Variants in SLC25A31 observed in about 807,000 individuals in gnomAD.
SLC25A31 encodes solute carrier family 25 member 31, also known as ADP/ATP translocase 4.
In SLC25A31, 40 loss-of-function variants were observed where a neutral mutation model predicts 36.2. That is an observed-to-expected ratio of 1.10 (90% CI 0.86 to 1.44). The LOEUF is 1.44. Ranked by LOEUF, SLC25A31 falls within the 40% of genes most tolerant of loss-of-function variation. The pLI is 0.00. For missense variants in SLC25A31, 350 were observed against 397.1 expected, an observed-to-expected ratio of 0.88 and a Z score of 1.01; for synonymous variants, 143 against 149.7, an observed-to-expected ratio of 0.96 and a Z score of 0.32.
chr4:127,751,807 C>A (rs1272651754), intron 2 of SLC25A31, among the ~76,000 whole-genome samples: 10 of 152,230 alleles, frequency 6.6e-5, no homozygotes, highest in Non-Finnish European at 1.5e-4. Flanking sequence ...AGCCAACAGA[C>A]ACATGAAAAA....
In SLC25A31 at chr4:127,730,515, A is replaced by G; in HGVS notation, c.-31A>G. On this transcript the variant is annotated 5_prime_UTR_variant, in exon 1 of 6. Transcript: ENST00000281154. The stretch of plus-strand genomic sequence containing the variant: ...GTAGCTCCCGTACTCATTTTTAGCC[A>G]CTGCTGCCGGTTTTTATATCCTTCT... 2 of 1,600,956 alleles carry G rather than the reference A, an allele frequency of 1.2e-6. No individual in the cohort carries two copies. The highest frequency in any genetic ancestry group is 8.6e-7 in the Non-Finnish European group (1 of 1,169,072).
At chr4:127,765,102 G>A (rs564133136) in intron 3 of SLC25A31, among the ~76,000 whole-genome samples, 1 of 152,240 alleles carries the variant, frequency 6.6e-6, no homozygotes, top group East Asian at 1.9e-4. Flanking sequence ...TTGAGTGATT[G>A]CAGCGGTCAC....
intron 2 of SLC25A31, among the ~76,000 whole-genome samples, chr4:127,760,862 AC>A (rs1201934494): frequency 7.2e-5 from 11 of 151,868 alleles, no homozygotes; most frequent in Non-Finnish European, 1.3e-4. Flanking sequence ...ACATGGTGAA[AC>A]CCCGTCTCTA....
chr4:127,737,849 A>G (rs965326910), intron 1 of SLC25A31, among the ~76,000 whole-genome samples: 4 of 152,058 alleles, frequency 2.6e-5, no homozygotes, highest in Admixed American at 1.3e-4. Context: ...ATGAGCCACC[A>G]TGCCTGGCTT....
intron 2 of SLC25A31, among the ~76,000 whole-genome samples, chr4:127,748,999 T>C (rs1334271720): frequency 6.6e-6 from 1 of 151,432 alleles, no homozygotes; most frequent in Non-Finnish European, 1.5e-5. Context: ...TAATGCAAGA[T>C]AGACAACTGA....
At chr4:127,768,995 T>G (rs903679499) in intron 5 of SLC25A31, 118 bp downstream of exon 5, 1 of 879,824 alleles carries the variant, frequency 1.1e-6, no homozygotes, top group African/African-American at 1.7e-5. Context: ...TTTACTTAGC[T>G]AAAATAAATA....
intron 1 of SLC25A31, among the ~76,000 whole-genome samples, chr4:127,741,053 T>C (rs969860228): frequency 6.6e-6 from 1 of 152,248 alleles, no homozygotes; most frequent in Non-Finnish European, 1.5e-5. Context: ...GGTAGTTCAT[T>C]GTTAGTATAT....
Position 127,773,478 on chromosome 4 carries a change from C to T in SLC25A31, c.852C>T (p.Ala284=). The T allele has an allele frequency of 6.2e-7, 1 of 1,613,804 alleles. No homozygotes were observed. The highest frequency in any genetic ancestry group is 8.5e-7 in the Non-Finnish European group (1 of 1,179,912). ...GAATCAGTTCCTTTTTTCGTGGCGC[C>T]TTCTCCAATGTTCTTCGCGGTACAG... ...HEGISSFFRG[A]FSNVLRGTGG... The change falls in exon 6 of 6, where the codon GCC becomes GCT. Residue 284 remains alanine (A), a synonymous_variant. Transcript: ENST00000281154.
chr4:127,773,034 C>A (rs1327781024), intron 5 of SLC25A31, among the ~76,000 whole-genome samples: 1 of 152,092 alleles, frequency 6.6e-6, no homozygotes, highest in Non-Finnish European at 1.5e-5. Context: ...CTTCCTGTCT[C>A]GGCCTCCCAA....
intron 1 of SLC25A31, among the ~76,000 whole-genome samples, chr4:127,731,766 CTTTAT>C (rs1731531328): frequency 6.6e-6 from 1 of 151,556 alleles, no homozygotes; most frequent in Non-Finnish European, 1.5e-5. Flanking sequence ...TCTCCTTTCT[CTTTAT>C]TTTTTCTATT....
At chr4:127,757,690 TTGAGA>T (rs1732055899) in intron 2 of SLC25A31, among the ~76,000 whole-genome samples, 1 of 152,204 alleles carries the variant, frequency 6.6e-6, no homozygotes, top group Admixed American at 6.5e-5. Context: ...TTTTAGTTCT[TTGAGA>T]TATCTCCATA....
chr4:127,758,000 G>C (rs1732061123), intron 2 of SLC25A31, among the ~76,000 whole-genome samples: 1 of 152,144 alleles, frequency 6.6e-6, no homozygotes, highest in Non-Finnish European at 1.5e-5. Context: ...GTGGTGAAGG[G>C]CACTTCTTAC....
rs543825806 is a variant in SLC25A31 at position 127,769,746 on chromosome 4, C to T, written c.759+869C>T. Among the ~76,000 whole-genome samples, 4 of 152,104 alleles carry T rather than the reference C, an allele frequency of 2.6e-5. No individual in the cohort carries two copies. The South Asian group carries it at 8.3e-4, about 32-fold the overall frequency. ...CCAGGAATACATAGAGGAGGGTTGC[C>T]CAAATGCTTAAAATGATCAGACGTG... On this transcript the variant is annotated intron_variant, in intron 5 of 5. Transcript: ENST00000281154.
chr4:127,730,477 G>A lies in SLC25A31; in HGVS notation c.-69G>A. ...TGCTGCAGCGGTTTTCCGGTTTTCC[G>A]CTTCCCTTCATCGTAGCTCCCGTAC... On this transcript the variant is annotated 5_prime_UTR_variant, in exon 1 of 6. Coordinates refer to ENST00000281154, the MANE Select transcript of SLC25A31 (RefSeq NM_031291.4). 5 of 1,503,012 alleles carry A rather than the reference G, an allele frequency of 3.3e-6. No homozygotes were observed. Among genetic ancestry groups the A allele is most frequent in the Non-Finnish European group, 4.6e-6 (5 of 1,092,460 alleles). The allele number at this position is 1,503,012 out of a possible 1,614,324, so 93.1% of individuals were successfully genotyped here. A position where few individuals can be genotyped will look rare whatever the true frequency, so the allele number is the denominator to read the frequency against.
intron 2 of SLC25A31, among the ~76,000 whole-genome samples, chr4:127,747,025 A>G (rs1366747667): frequency 1.3e-5 from 2 of 152,186 alleles, no homozygotes; most frequent in Non-Finnish European, 2.9e-5. Flanking sequence ...TTTATTGAAT[A>G]AGGAGTCCTT....
At chr4:127,773,292 G>T in intron 5 of SLC25A31, 94 bp from the exon 6 acceptor site, 1 of 1,158,162 alleles carries the variant, frequency 8.6e-7, no homozygotes, top group Middle Eastern at 2.1e-4. Flanking sequence ...ACTCAACACA[G>T]TGTTTATCTT....
chr4:127,746,044 G>A (rs1249799713), intron 2 of SLC25A31, among the ~76,000 whole-genome samples: 2 of 152,080 alleles, frequency 1.3e-5, no homozygotes, highest in African/African-American at 2.4e-5. Context: ...ACTTACAAGT[G>A]AGAACATGCA....
Position 127,771,318 on chromosome 4 carries a change from A to C in SLC25A31, c.760-2068A>C, listed in dbSNP as rs1578675752. Among the ~76,000 whole-genome samples, 4 of 152,068 alleles carry C rather than the reference A, an allele frequency of 2.6e-5. No homozygotes were observed. In the East Asian group the frequency reaches 7.7e-4, roughly 29 times the overall value. ...GGGTTCACTCTTGTGATCTCATTTA[A>C]TTCTAATTACCTTTAAAGACCCTAT... On this transcript the variant is annotated intron_variant, in intron 5 of 5. Transcript: ENST00000281154.
chr4:127,739,208 C>T (rs1241443730), intron 1 of SLC25A31, among the ~76,000 whole-genome samples: 1 of 152,070 alleles, frequency 6.6e-6, no homozygotes, highest in African/African-American at 2.4e-5. Flanking sequence ...GCTATGTTAA[C>T]AGTGTTTTTG....
Sources: gnomAD v4.1 joint callset for allele counts (sites outside exome capture counted in the v4.1 genomes callset) on GRCh38, gnomAD v4.1.1 for gene constraint, MANE v1.5 for transcripts, NCBI Gene and HGNC (gene_info 2026-07-23, HGNC 2026-07-21) for gene names.